EPHB1: variants seen among roughly 807,000 people sequenced by gnomAD.
The protein encoded by EPHB1 is ephrin type-B receptor 1.
In EPHB1, 30 loss-of-function variants were observed where a neutral mutation model predicts 94.4. The observed-to-expected ratio is 0.32, with a 90% CI of 0.24 to 0.43. The LOEUF (loss-of-function observed/expected upper bound fraction) is 0.43. EPHB1 is among the 20% of genes least tolerant of loss of function. The pLI, the probability that EPHB1 is intolerant of heterozygous loss-of-function variation, is 1.00. For synonymous variants in EPHB1, 522 were observed against 489.1 expected (o/e 1.07, Z -0.89); for missense variants, 1,055 against 1,308.3 (o/e 0.81, Z 2.99).
At chr3:134,891,608 T>C (rs1402866189) in intron 1 of EPHB1, among the ~76,000 whole-genome samples, 9 of 152,268 alleles carry the variant, frequency 5.9e-5, no homozygotes, top group Non-Finnish European at 8.8e-5. Flanking sequence ...ATTTTGAATT[T>C]ATTAATATGG....
intron 2 of EPHB1, among the ~76,000 whole-genome samples, chr3:134,949,091 C>T (rs1932908936): frequency 6.6e-6 from 1 of 152,018 alleles, no homozygotes; most frequent in Non-Finnish European, 1.5e-5. Context: ...GTCAAGTGCT[C>T]CAACTTGAAA....
chr3:134,822,089 C>T (rs1017575684), intron 1 of EPHB1, among the ~76,000 whole-genome samples: 6 of 152,196 alleles, frequency 3.9e-5, no homozygotes, highest in Admixed American at 1.3e-4. Context: ...GATATCTCTG[C>T]TTCATATCTA....
At chr3:134,995,256 T>A (rs1221551047) in intron 3 of EPHB1, among the ~76,000 whole-genome samples, 1 of 152,208 alleles carries the variant, frequency 6.6e-6, no homozygotes, top group Non-Finnish European at 1.5e-5. Flanking sequence ...GATGGGCTTT[T>A]TTTTCACTCA....
intron 1 of EPHB1, among the ~76,000 whole-genome samples, chr3:134,806,384 G>GC (rs961053853): frequency 3.3e-5 from 5 of 152,144 alleles, no homozygotes; most frequent in Non-Finnish European, 7.4e-5. Context: ...AGAATTTCTA[G>GC]CCCCAGCTCC....
intron 2 of EPHB1, among the ~76,000 whole-genome samples, chr3:134,939,447 G>A (rs535671509): frequency 1.3e-5 from 2 of 152,288 alleles, no homozygotes; most frequent in African/African-American, 2.4e-5. Context: ...ATATTGGAAG[G>A]TAAGCTGGTG....
intron 5 of EPHB1, among the ~76,000 whole-genome samples, chr3:135,143,282 G>A (rs1940891986): frequency 6.6e-6 from 1 of 152,170 alleles, no homozygotes; most frequent in South Asian, 2.1e-4. Context: ...CAGGATGGAA[G>A]CCCGCCTGTG....
chr3:134,894,977 C>T (rs62270282), intron 1 of EPHB1, among the ~76,000 whole-genome samples: 1 of 152,218 alleles, frequency 6.6e-6, no homozygotes, highest in Non-Finnish European at 1.5e-5. Flanking sequence ...AAATCTCCAG[C>T]ATCTGAAAGG....
At chr3:135,237,486 GCTGC>G (rs1943684252) in intron 12 of EPHB1, among the ~76,000 whole-genome samples, 1 of 152,094 alleles carries the variant, frequency 6.6e-6, no homozygotes, top group East Asian at 1.9e-4. Context: ...ATGACAGTGA[GCTGC>G]CTCTTCCTCT....
At chr3:135,054,914 A>G (rs1937302903) in intron 3 of EPHB1, among the ~76,000 whole-genome samples, 1 of 152,088 alleles carries the variant, frequency 6.6e-6, no homozygotes, top group Non-Finnish European at 1.5e-5. Flanking sequence ...CTATGCTTTC[A>G]TTTTTGTTCA....
chr3:135,255,843 G>C (rs1481963944), intron 15 of EPHB1, among the ~76,000 whole-genome samples: 1 of 142,500 alleles, frequency 7.0e-6, no homozygotes, highest in African/African-American at 2.6e-5. Context: ...TTATTAATGT[G>C]TGGGAGTCTA....
intron 5 of EPHB1, among the ~76,000 whole-genome samples, chr3:135,135,400 A>G (rs6801065): frequency 0.72 from 108,827 of 152,122 alleles, 40,471 homozygotes; most frequent in East Asian, 0.98. Context: ...AAAGATGAGA[A>G]CCATCAAAGT....
chr3:135,205,944 G>A (rs9851564), intron 12 of EPHB1, among the ~76,000 whole-genome samples: 79,542 of 151,880 alleles, frequency 0.52, 21,066 homozygotes, highest in East Asian at 0.71. Context: ...TTAAAAATGC[G>A]TGCAACTGTG....
intron 1 of EPHB1, among the ~76,000 whole-genome samples, chr3:134,819,913 A>G (rs1157405686): frequency 6.6e-6 from 1 of 152,226 alleles, no homozygotes; most frequent in Non-Finnish European, 1.5e-5. Flanking sequence ...GACACCTGTC[A>G]TGCCAATTTC....
At chr3:135,214,977 T>C (rs1186889174) in intron 12 of EPHB1, among the ~76,000 whole-genome samples, 1 of 152,098 alleles carries the variant, frequency 6.6e-6, no homozygotes, top group Non-Finnish European at 1.5e-5. Context: ...ATCCATAAAA[T>C]GGGGTTTGTA....
At chr3:134,981,960 T>C (rs1934416534) in intron 3 of EPHB1, among the ~76,000 whole-genome samples, 1 of 152,254 alleles carries the variant, frequency 6.6e-6, no homozygotes. Flanking sequence ...GATAATTTTC[T>C]AAGTCTAATT....
At chr3:134,969,711 A>C (rs976165449) in intron 3 of EPHB1, among the ~76,000 whole-genome samples, 6 of 152,190 alleles carry the variant, frequency 3.9e-5, no homozygotes, top group African/African-American at 1.4e-4. Context: ...CTTGAAATCA[A>C]ATTTTTATCC....
At chr3:134,920,050 C>G (rs1361216045) in intron 1 of EPHB1, among the ~76,000 whole-genome samples, 1 of 152,098 alleles carries the variant, frequency 6.6e-6, no homozygotes. Context: ...CTACCATTCA[C>G]TGAGGCTGCC....
chr3:135,238,746 T>TCA (rs370315030), intron 12 of EPHB1, among the ~76,000 whole-genome samples: 1,701 of 152,140 alleles, frequency 0.011, 32 homozygotes, highest in African/African-American at 0.038. Context: ...TCTCTCTCTC[T>TCA]CTCACACACA....
At chr3:134,962,523 C>A (rs6768729) in intron 3 of EPHB1, among the ~76,000 whole-genome samples, 74,011 of 151,936 alleles carry the variant, frequency 0.49, 18,727 homozygotes, top group African/African-American at 0.6. Flanking sequence ...GAAGACCACC[C>A]CATTCTCACA....
Sources: gnomAD v4.1 joint callset for allele counts (sites outside exome capture counted in the v4.1 genomes callset) on GRCh38, gnomAD v4.1.1 for gene constraint, MANE v1.5 for transcripts, NCBI Gene and HGNC (gene_info 2026-07-23, HGNC 2026-07-21) for gene names.